MCTP1: variants seen among roughly 807,000 people sequenced by gnomAD.
MCTP1 encodes the protein multiple C2 and transmembrane domain-containing protein 1.
MCTP1 carries 69 observed loss-of-function variants against 120.6 expected under a neutral mutation model. That is an observed-to-expected ratio of 0.57 (90% CI 0.47 to 0.70). MCTP1 has a LOEUF of 0.70. Among genes scored for constraint, MCTP1 ranks in the 30% least tolerant of loss-of-function variants. The pLI, the probability that MCTP1 is intolerant of heterozygous loss-of-function variation, is 0.00. For synonymous variants in MCTP1, 529 were observed against 493.1 expected, an observed-to-expected ratio of 1.07 and a Z score of -0.96; for missense variants, 1,203 against 1,248.8, an observed-to-expected ratio of 0.96 and a Z score of 0.55.
chr5:95,237,150 A>T (rs929985555), intron 1 of MCTP1, among the ~76,000 whole-genome samples: 9 of 152,132 alleles, frequency 5.9e-5, no homozygotes, highest in Non-Finnish European at 1.2e-4. Flanking sequence ...TGGCAAGGTG[A>T]GACTCTGCCA....
At chr5:94,975,667 A>C (rs184604355) in intron 2 of MCTP1, among the ~76,000 whole-genome samples, 1 of 152,068 alleles carries the variant, frequency 6.6e-6, no homozygotes, top group Admixed American at 6.6e-5. Flanking sequence ...CAGACATCCC[A>C]TCTATAGAAT....
At chr5:95,178,084 C>G (rs921172106) in intron 1 of MCTP1, among the ~76,000 whole-genome samples, 5 of 152,132 alleles carry the variant, frequency 3.3e-5, no homozygotes, top group Admixed American at 1.3e-4. Context: ...GTCTTTCCCC[C>G]ACTTCCCTGG....
intron 20 of MCTP1, among the ~76,000 whole-genome samples, chr5:94,714,410 G>T (rs1467320038): frequency 6.6e-6 from 1 of 152,050 alleles, no homozygotes. Context: ...AAATACAGGT[G>T]TATCTTAATT....
chr5:94,958,468 A>G (rs996656677), intron 2 of MCTP1, among the ~76,000 whole-genome samples: 2 of 152,204 alleles, frequency 1.3e-5, no homozygotes, highest in African/African-American at 4.8e-5. Context: ...AAAAAAATCA[A>G]TGAATCCAGG....
intron 8 of MCTP1, 47 bp downstream of exon 8, chr5:94,917,849 T>C: frequency 6.7e-7 from 1 of 1,490,100 alleles, no homozygotes; most frequent in Non-Finnish European, 9.4e-7. Context: ...AAATCCCAGC[T>C]CATGCAAGCT....
chr5:94,768,636 T>C (rs1406222249), intron 19 of MCTP1, among the ~76,000 whole-genome samples: 1 of 152,018 alleles, frequency 6.6e-6, no homozygotes, highest in Non-Finnish European at 1.5e-5. Flanking sequence ...TATGAAAAAA[T>C]GCTCAATATC....
intron 2 of MCTP1, among the ~76,000 whole-genome samples, chr5:94,969,844 C>A (rs1217414914): frequency 6.6e-6 from 1 of 151,958 alleles, no homozygotes; most frequent in Non-Finnish European, 1.5e-5. Context: ...AAAAGGGTAC[C>A]TTATGGATGT....
chr5:94,928,766 T>C (rs919626333), intron 6 of MCTP1, among the ~76,000 whole-genome samples: 1 of 152,162 alleles, frequency 6.6e-6, no homozygotes, highest in Non-Finnish European at 1.5e-5. Flanking sequence ...CATTCTTCTT[T>C]TTCAGAGGTA....
At chr5:94,784,557 TCACTC>T (rs1201330458) in intron 18 of MCTP1, among the ~76,000 whole-genome samples, 1 of 152,046 alleles carries the variant, frequency 6.6e-6, no homozygotes, top group Non-Finnish European at 1.5e-5. Context: ...TATACATAAT[TCACTC>T]CACGTTTGTA....
chr5:94,743,783 A>G (rs1177172592), intron 19 of MCTP1, among the ~76,000 whole-genome samples: 2 of 151,706 alleles, frequency 1.3e-5, no homozygotes, highest in African/African-American at 4.8e-5. Flanking sequence ...GACTACAGGC[A>G]CCTGCCACCA....
At chr5:95,009,702 G>T (rs55660342) in intron 2 of MCTP1, among the ~76,000 whole-genome samples, 1,889 of 152,198 alleles carry the variant, frequency 0.012, 25 homozygotes, top group East Asian at 0.061. Flanking sequence ...GGGAAATTGT[G>T]TATCTTACTC....
At chr5:95,176,913 A>G (rs1331107293) in intron 1 of MCTP1, among the ~76,000 whole-genome samples, 14 of 151,444 alleles carry the variant, frequency 9.2e-5, no homozygotes, top group African/African-American at 2.9e-4. Context: ...CGCCCAGGCT[A>G]GAGTGCAGTG....
intron 17 of MCTP1, among the ~76,000 whole-genome samples, chr5:94,847,560 TTGTC>T (rs1341806372): frequency 6.6e-6 from 1 of 151,718 alleles, no homozygotes; most frequent in Non-Finnish European, 1.5e-5. Context: ...TCTTTGCCTT[TTGTC>T]TGTCTCCCAC....
chr5:94,840,427 A>T (rs1790765851), intron 17 of MCTP1, among the ~76,000 whole-genome samples: 1 of 152,178 alleles, frequency 6.6e-6, no homozygotes, highest in Non-Finnish European at 1.5e-5. Flanking sequence ...GGGTATGAGA[A>T]AGGCTTTGTT....
intron 18 of MCTP1, among the ~76,000 whole-genome samples, chr5:94,782,613 G>A (rs1005249921): frequency 3.3e-5 from 5 of 152,188 alleles, no homozygotes; most frequent in South Asian, 2.1e-4. Context: ...AAATACCACC[G>A]CTATTTAGGA....
chr5:95,001,391 GA>G (rs576373446), intron 2 of MCTP1, among the ~76,000 whole-genome samples: 1 of 152,318 alleles, frequency 6.6e-6, no homozygotes, highest in African/African-American at 2.4e-5. Context: ...AAGAAGACAG[GA>G]AAATGTGGGG....
rs1040847207 is a variant in MCTP1, at chr5:94,723,868, A to G, written c.2611-8982T>C. ...TTAAAATAAAAGCCAGGAAGGAAAG[A>G]ATGGAAAAAAAAGAAAAAGTGAGGA... On this transcript the variant is annotated intron_variant, in intron 19 of 22. Transcript: ENST00000515393. Among the ~76,000 whole-genome samples the G allele has an allele frequency of 3.3e-5, 5 of 152,264 alleles. No homozygotes were observed. The East Asian group carries it at 9.7e-4, about 29-fold the overall frequency.
At chr5:94,842,973 A>G (rs1791466854) in intron 17 of MCTP1, among the ~76,000 whole-genome samples, 1 of 152,066 alleles carries the variant, frequency 6.6e-6, no homozygotes, top group African/African-American at 2.4e-5. Context: ...TAATGATACC[A>G]TTAATATTAA....
At position 95,035,557 on chromosome 5, in the gene MCTP1, G is replaced by A. The variant is rs886756518; in HGVS notation, c.721-18073C>T. The stretch of plus-strand genomic sequence containing the variant: ...ATATAGGTGGGAACAACAGACAACA[G>A]GAACTCCAAAAATATGTAGGAAGAA... On this transcript the variant is annotated intron_variant, in intron 1 of 22. Transcript: ENST00000515393. Among the ~76,000 whole-genome samples the A allele has an allele frequency of 4.6e-5, 7 of 151,860 alleles. No individual in the cohort carries two copies. The South Asian group carries it at 1.0e-3, about 23-fold the overall frequency.
Sources: allele counts gnomAD v4.1 joint callset (sites outside exome capture counted in the v4.1 genomes callset), GRCh38; gene constraint gnomAD v4.1.1; transcripts MANE v1.5; gene names NCBI Gene and HGNC (gene_info 2026-07-23, HGNC 2026-07-21).